The following OR10K1 variants were observed in gnomAD, a reference collection of about 807,000 sequenced individuals.
The protein encoded by OR10K1 is olfactory receptor 10K1.
For synonymous variants in OR10K1, 186 were observed against 152.5 expected, an observed-to-expected ratio of 1.22 and a Z score of -1.62; for missense variants, 404 against 373.3, an observed-to-expected ratio of 1.08 and a Z score of -0.68.
intron 1 of OR10K1, among the ~76,000 whole-genome samples, chr1:158,463,035 C>G (rs1292663858): frequency 6.6e-6 from 1 of 152,096 alleles, no homozygotes; most frequent in South Asian, 2.1e-4. Flanking sequence ...GTCAAAATTC[C>G]TCTGTAAAAT....
chr1:158,466,410 A>C lies in OR10K1; in HGVS notation c.849A>C (p.Pro283=). 1 of 1,613,838 alleles carries C rather than the reference A, an allele frequency of 6.2e-7. No homozygotes were observed. The highest frequency in any genetic ancestry group is 8.5e-7 in the Non-Finnish European group (1 of 1,179,872). ...CTGTGTCATACACCATCCTTACCCCATTGTTCAATCCAATGATTTATAGTC... is the reference window on the plus strand; with the variant it reads ...CTGTGTCATACACCATCCTTACCCCCTTGTTCAATCCAATGATTTATAGTC... ...LISVSYTILT[P]LFNPMIYSLR... is the part of the protein sequence containing the mutation. The change falls in exon 2 of 2, where the codon CCA becomes CCC. Residue 283 remains proline (P), a synonymous_variant. Coordinates refer to ENST00000641535, the MANE Select transcript of OR10K1 (RefSeq NM_001004473.2).
Position 158,466,398 on chromosome 1 carries a change from C to T in OR10K1, c.837C>T (p.Thr279=). ...ACACCCTAATATCTGTGTCATACAC[C>T]ATCCTTACCCCATTGTTCAATCCAA... The part of the protein sequence containing the change: ...SQDTLISVSY[T]ILTPLFNPMI... The change falls in exon 2 of 2, where the codon ACC becomes ACT. Residue 279 remains threonine (T), a synonymous_variant. Transcript: ENST00000641535. The T allele has an allele frequency of 6.2e-7, 1 of 1,613,524 alleles. No individual in the cohort carries two copies.
At chr1:158,463,322 G>T (rs1397127533) in intron 1 of OR10K1, among the ~76,000 whole-genome samples, 2 of 152,100 alleles carry the variant, frequency 1.3e-5, no homozygotes, top group Non-Finnish European at 2.9e-5. Flanking sequence ...CACTATGGTG[G>T]TCCCTAATGG....
At chr1:158,464,168 G>A (rs528718587) in intron 1 of OR10K1, among the ~76,000 whole-genome samples, 88 of 152,266 alleles carry the variant, frequency 5.8e-4, no homozygotes, top group African/African-American at 2.1e-3. Context: ...GTATATAAAT[G>A]AAGACTGGAT....
At position 158,466,933 on chromosome 1, in the gene OR10K1, T is replaced by C. The variant is rs1282273102; in HGVS notation, c.*430T>C. 1 of 153,850 alleles carries C rather than the reference T, an allele frequency of 6.5e-6. No individual in the cohort carries two copies. Among genetic ancestry groups the C allele is most frequent in the Non-Finnish European group, 1.4e-5 (1 of 69,510 alleles). The allele number at this position is 153,850 out of a possible 1,614,324, so 9.5% of individuals were successfully genotyped here. ...AATCCATCTATCCGTACTTTTCTTT[T>C]CCTAAAGACAACAGAAAACTTTGGT... On this transcript the variant is annotated 3_prime_UTR_variant, in exon 2 of 2. Transcript: ENST00000641535.
chr1:158,462,466 A>C (rs1312977366), intron 1 of OR10K1, among the ~76,000 whole-genome samples: 2 of 145,964 alleles, frequency 1.4e-5, no homozygotes, highest in Admixed American at 6.9e-5. Flanking sequence ...TGGTGGATTC[A>C]TGGATTAAAT....
intron 1 of OR10K1, among the ~76,000 whole-genome samples, chr1:158,462,732 C>T (rs1217752917): frequency 1.3e-5 from 2 of 152,096 alleles, no homozygotes; most frequent in African/African-American, 4.8e-5. Context: ...ATTTATATTT[C>T]TTAAAAGTTT....
chr1:158,465,771 G>A lies in OR10K1; in HGVS notation c.210G>A (p.Glu70=), dbSNP rs141968366. Residue 70 remains glutamate, a synonymous_variant, in exon 2 of 2, where the codon GAG becomes GAA. Transcript: ENST00000641535. ...TCCTTGCCATCCTTTCTTGCTCTGA[G>A]ATTTGCTATACCTTTGTCATTGTAC... ...YFFLAILSCS[E]ICYTFVIVPK... is the part of the protein sequence containing the mutation. 1 of 1,614,188 alleles carries A rather than the reference G, an allele frequency of 6.2e-7. No homozygotes were observed. The highest frequency in any genetic ancestry group is 1.7e-5 in the Admixed American group (1 of 60,016).
intron 1 of OR10K1, among the ~76,000 whole-genome samples, chr1:158,462,891 A>G (rs1481299529): frequency 2.0e-5 from 3 of 152,214 alleles, no homozygotes; most frequent in Non-Finnish European, 4.4e-5. Flanking sequence ...ATCTCCAAGG[A>G]TCATAGCCTG....
At position 158,466,137 on chromosome 1, in the gene OR10K1, C is replaced by A. The variant is rs16840204; in HGVS notation, c.576C>A (p.Ser192=). The stretch of plus-strand genomic sequence containing the variant: ...TCCTTAAACTGGCATCTCAGCACTC[C>A]GGCTTCAGTCAGCTGGTCATATTCA... ...SPVLKLASQH[S]GFSQLVIFML... is the part of the protein sequence containing the mutation. The change falls in exon 2 of 2, where the codon TCC becomes TCA. Residue 192 remains serine (S), a synonymous_variant. Transcript: ENST00000641535. 7.1e-3 allele frequency: 11,489 copies of A among 1,613,848 alleles called. 397 individuals are homozygous for A. Among genetic ancestry groups the A allele is most frequent in the Admixed American group, 0.065 (3,887 of 60,004 alleles).
rs191132544 is a variant in OR10K1, at chr1:158,464,572, C to G, written c.-156-834C>G. On this transcript the variant is annotated intron_variant, in intron 1 of 1. Transcript: ENST00000641535. Reference sequence around the variant, plus strand: ...AAAGTCAGTCATCTCTCTTTACCACCCTGGTGACTATTCTCTTCCTGAAAG... The same window carrying G: ...AAAGTCAGTCATCTCTCTTTACCACGCTGGTGACTATTCTCTTCCTGAAAG... 6.4e-3 allele frequency among the ~76,000 whole-genome samples: 969 copies of G among 152,198 alleles called. 11 individuals are homozygous for G. The highest frequency in any genetic ancestry group is 0.011 in the Non-Finnish European group (745 of 68,002).
Position 158,465,992 on chromosome 1 carries a change from T to A in OR10K1, c.431T>A (p.Leu144Gln). 1 of 1,614,168 alleles carries A rather than the reference T, an allele frequency of 6.2e-7. No homozygotes were observed. Among genetic ancestry groups the A allele is most frequent in the Non-Finnish European group, 8.5e-7 (1 of 1,180,038 alleles). Reference protein sequence around the residue: ...VLMGHGVCMGLMAAACACGFT... With the variant: ...VLMGHGVCMGQMAAACACGFT... ...ATGGGACATGGGGTGTGTATGGGAC[T>A]AATGGCTGCTGCCTGTGCCTGTGGC... Residue 144 changes from leucine (L) to glutamine (Q), a missense_variant, in exon 2 of 2, where the codon CTA becomes CAA. Leu to Gln is a moderately radical substitution (Grantham distance 113). Transcript: ENST00000641535.
At chr1:158,463,307 C>T (rs1655964403) in intron 1 of OR10K1, among the ~76,000 whole-genome samples, 1 of 152,124 alleles carries the variant, frequency 6.6e-6, no homozygotes, top group Non-Finnish European at 1.5e-5. Flanking sequence ...GTACAGATGA[C>T]AACACACTAT....
intron 1 of OR10K1, among the ~76,000 whole-genome samples, chr1:158,462,221 A>T (rs1385926549): frequency 6.6e-6 from 1 of 151,884 alleles, no homozygotes; most frequent in Non-Finnish European, 1.5e-5. Flanking sequence ...CAGAAGTTGC[A>T]GTGAGCCGAG....
rs781758689 is a variant in OR10K1, at chr1:158,466,178, C to T, written c.617C>T (p.Ala206Val). The T allele has an allele frequency of 1.1e-5, 18 of 1,614,086 alleles. 1 individual carries two copies. In the South Asian group the frequency reaches 1.9e-4, roughly 17 times the overall value. ...GTCATATTCATGCTTGGTGTATTTG[C>T]CTTGGTCATTCCTCTGCTACTTATC... Reference protein sequence around the residue: ...QLVIFMLGVFALVIPLLLILV... With the variant: ...QLVIFMLGVFVLVIPLLLILV... The change falls in exon 2 of 2, where the codon GCC (alanine) becomes GTC (valine). Residue 206 changes from alanine (A) to valine (V), a missense_variant. Physicochemically the swap from Ala to Val is moderately conservative, Grantham distance 64. Coordinates refer to ENST00000641535, the MANE Select transcript of OR10K1 (RefSeq NM_001004473.2).
intron 1 of OR10K1, among the ~76,000 whole-genome samples, chr1:158,464,824 C>T (rs918577138): frequency 6.6e-6 from 1 of 151,818 alleles, no homozygotes; most frequent in South Asian, 2.1e-4. Context: ...AATTTTTGTA[C>T]TTTTAGTAAA....
chr1:158,465,457 T>G lies in OR10K1; in HGVS notation c.-105T>G. On this transcript the variant is annotated 5_prime_UTR_variant, in exon 2 of 2. Transcript: ENST00000641535. ...ATTCCATCAAATATCTGGAAATGCC[T>G]GCCACCTGCAAACTTTGTGTGAAAT... is the stretch of plus-strand genomic sequence containing the variant. 1.2e-6 allele frequency: 1 copy of G among 829,868 alleles called. No homozygotes were observed. Among genetic ancestry groups the G allele is most frequent in the South Asian group, 1.8e-5 (1 of 56,018 alleles). 51.4% of individuals were successfully genotyped at this position (829,868 alleles called of 1,614,324 possible).
At chr1:158,465,251 A>G (rs1656009485) in intron 1 of OR10K1, among the ~76,000 whole-genome samples, 155 bp from the exon 2 acceptor site, 1 of 152,196 alleles carries the variant, frequency 6.6e-6, no homozygotes, top group Non-Finnish European at 1.5e-5. Context: ...ATAGTAAGTG[A>G]CAAAAACAAC....
rs1656055646 is a variant in OR10K1, at chr1:158,466,908, A to G, written c.*405A>G. The stretch of plus-strand genomic sequence containing the variant: ...GAAAAAAAAAAGGAAAACAGCAGGA[A>G]ATCCATCTATCCGTACTTTTCTTTT... On this transcript the variant is annotated 3_prime_UTR_variant, in exon 2 of 2. Coordinates refer to ENST00000641535, the MANE Select transcript of OR10K1 (RefSeq NM_001004473.2). 2 of 158,910 alleles carry G rather than the reference A, an allele frequency of 1.3e-5. No homozygotes were observed. Among genetic ancestry groups the G allele is most frequent in the African/African-American group, 4.8e-5 (2 of 41,504 alleles). 9.8% of individuals were successfully genotyped at this position (158,910 alleles called of 1,614,324 possible). A position where few individuals can be genotyped will look rare whatever the true frequency, so the allele number is the denominator to read the frequency against.
Sources: gnomAD v4.1 joint callset for allele counts (sites outside exome capture counted in the v4.1 genomes callset) on GRCh38, gnomAD v4.1.1 for gene constraint, MANE v1.5 for transcripts, NCBI Gene and HGNC (gene_info 2026-07-23, HGNC 2026-07-21) for gene names.